The following NLGN1 variants were observed in gnomAD, a reference collection of about 807,000 sequenced individuals.
The protein encoded by NLGN1 is neuroligin-1.
Under a neutral mutation model 65.5 loss-of-function variants are expected in NLGN1, and 12 were observed. The ratio of observed to expected loss-of-function variants is 0.18; its 90% CI spans 0.12 to 0.30. The LOEUF (loss-of-function observed/expected upper bound fraction) is 0.30. NLGN1 is among the 10% of genes least tolerant of loss of function. The pLI, the probability that NLGN1 is intolerant of heterozygous loss-of-function variation, is 1.00. For synonymous variants in NLGN1, 350 were observed against 359.5 expected (o/e 0.97, Z 0.30); for missense variants, 750 against 1,007.1 (o/e 0.74, Z 3.46).
rs371995825 is a variant in NLGN1 at position 174,273,026 on chromosome 3, G to GTTGTT, written c.647-2287_647-2286insGTTTT. 2.2e-3 allele frequency among the ~76,000 whole-genome samples: 329 copies of GTTGTT among 148,870 alleles called. 1 individual carries two copies. The highest frequency in any genetic ancestry group is 7.6e-3 in the African/African-American group (311 of 40,674). ...CTTTTTTTTTTTTTACAGCACTGTT[G>GTTGTT]TTATATAAACACAAAGCTATTTGAC... On this transcript the variant is annotated intron_variant, in intron 4 of 6. Transcript: ENST00000457714.
At chr3:174,015,288 A>G (rs1174589133) in intron 4 of NLGN1, among the ~76,000 whole-genome samples, 2 of 152,206 alleles carry the variant, frequency 1.3e-5, no homozygotes, top group African/African-American at 4.8e-5. Context: ...GTTATAAACA[A>G]CAGAAATTTA....
At chr3:173,689,882 C>T (rs1186246258) in intron 3 of NLGN1, among the ~76,000 whole-genome samples, 1 of 152,104 alleles carries the variant, frequency 6.6e-6, no homozygotes, top group Non-Finnish European at 1.5e-5. Context: ...TGATCCCTTA[C>T]TTCTATGGAG....
chr3:173,718,812 A>T (rs1770314950), intron 3 of NLGN1, among the ~76,000 whole-genome samples: 1 of 152,214 alleles, frequency 6.6e-6, no homozygotes, highest in Non-Finnish European at 1.5e-5. Flanking sequence ...TTTAAAAATA[A>T]TTACCAAAAA....
At chr3:174,257,151 A>T (rs1383663472) in intron 4 of NLGN1, among the ~76,000 whole-genome samples, 2 of 152,194 alleles carry the variant, frequency 1.3e-5, no homozygotes, top group East Asian at 1.9e-4. Context: ...AAACATATAT[A>T]AAAAAGCTCA....
chr3:174,289,959 A>G (rs1269268805), downstream of NLGN1, among the ~76,000 whole-genome samples: 2 of 130,150 alleles, frequency 1.5e-5, no homozygotes, highest in African/African-American at 7.2e-5. Flanking sequence ...ATATGTGTAT[A>G]TATATATATG....
At chr3:173,655,681 C>T (rs960464498) in intron 3 of NLGN1, among the ~76,000 whole-genome samples, 1 of 151,658 alleles carries the variant, frequency 6.6e-6, no homozygotes, top group Non-Finnish European at 1.5e-5. Flanking sequence ...TTTATTTATA[C>T]TTTGTACCCT....
the NLGN1 span, among the ~76,000 whole-genome samples, chr3:174,292,626 A>G: frequency 6.6e-6 from 1 of 150,430 alleles, no homozygotes; most frequent in Non-Finnish European, 1.5e-5. Flanking sequence ...TTCCTCCACC[A>G]ACTATACAGC....
At chr3:174,293,041 AAC>A in the NLGN1 span, among the ~76,000 whole-genome samples, 5 of 151,742 alleles carry the variant, frequency 3.3e-5, no homozygotes, top group East Asian at 1.9e-4. Context: ...CAAGAAAAAA[AAC>A]ACAGTGAGAA....
At chr3:174,118,911 A>G (rs28682389) in intron 4 of NLGN1, among the ~76,000 whole-genome samples, 8,592 of 152,158 alleles carry the variant, frequency 0.056, 309 homozygotes, top group African/African-American at 0.091. Flanking sequence ...GACATTCTTC[A>G]TGTTATATAG....
intron 3 of NLGN1, among the ~76,000 whole-genome samples, chr3:173,739,348 T>C (rs924292246): frequency 1.3e-5 from 2 of 152,050 alleles, no homozygotes; most frequent in Non-Finnish European, 2.9e-5. Context: ...GTAAAATCTG[T>C]TAGATGAAAA....
At chr3:174,133,043 C>G (rs966455910) in intron 4 of NLGN1, among the ~76,000 whole-genome samples, 1 of 152,178 alleles carries the variant, frequency 6.6e-6, no homozygotes, top group Non-Finnish European at 1.5e-5. Context: ...TAAAAATGAT[C>G]AGTTATAGAT....
chr3:173,423,786 C>T (rs976006872), intron 1 of NLGN1, among the ~76,000 whole-genome samples: 10 of 152,154 alleles, frequency 6.6e-5, no homozygotes, highest in Admixed American at 2.6e-4. Context: ...AAGCTGTTGG[C>T]AGATCTCCCT....
chr3:173,587,613 A>G (rs1419922317), intron 2 of NLGN1, among the ~76,000 whole-genome samples: 1 of 152,196 alleles, frequency 6.6e-6, no homozygotes, highest in African/African-American at 2.4e-5. Context: ...ATTAAAAAGA[A>G]CATGGTAGCC....
At chr3:173,532,132 C>T (rs1297187486) in intron 2 of NLGN1, among the ~76,000 whole-genome samples, 3 of 152,042 alleles carry the variant, frequency 2.0e-5, no homozygotes, top group Non-Finnish European at 2.9e-5. Context: ...TGTTAAAATC[C>T]CAGAGCTTTT....
At chr3:173,757,244 T>C (rs147511233) in intron 3 of NLGN1, among the ~76,000 whole-genome samples, 5 of 152,180 alleles carry the variant, frequency 3.3e-5, no homozygotes, top group African/African-American at 1.2e-4. Flanking sequence ...ACCATCTTGA[T>C]CCATTGTCTA....
chr3:174,259,387 CTCTCCCTCAT>C (rs1447287194), intron 4 of NLGN1, among the ~76,000 whole-genome samples: 1 of 151,924 alleles, frequency 6.6e-6, no homozygotes, highest in Non-Finnish European at 1.5e-5. Flanking sequence ...TGCTCTCTCT[CTCTCCCTCAT>C]TCTCCCTCAC....
chr3:174,030,413 C>T (rs1729759608), intron 4 of NLGN1, among the ~76,000 whole-genome samples: 1 of 152,162 alleles, frequency 6.6e-6, no homozygotes, highest in Non-Finnish European at 1.5e-5. Context: ...TGTGAGCCAC[C>T]TCGCCCAGCC....
At chr3:173,823,217 T>C (rs1720667814) in intron 4 of NLGN1, among the ~76,000 whole-genome samples, 1 of 152,096 alleles carries the variant, frequency 6.6e-6, no homozygotes, top group African/African-American at 2.4e-5. Context: ...AAATGTTTCT[T>C]ATATAAATCT....
intron 2 of NLGN1, among the ~76,000 whole-genome samples, chr3:173,527,406 C>CA (rs1553876210): frequency 6.6e-6 from 1 of 151,160 alleles, no homozygotes; most frequent in Non-Finnish European, 1.5e-5. Context: ...TTCTTTTTTT[C>CA]TTTTTTTTTG....
Sources: allele counts gnomAD v4.1 joint callset (sites outside exome capture counted in the v4.1 genomes callset), GRCh38; gene constraint gnomAD v4.1.1; transcripts MANE v1.5; gene names NCBI Gene and HGNC (gene_info 2026-07-23, HGNC 2026-07-21).